Variants in FAM83E observed in about 807,000 individuals in gnomAD.
The protein encoded by FAM83E is protein FAM83E.
FAM83E carries 29 observed loss-of-function variants against 34.3 expected under a neutral mutation model. The observed-to-expected ratio is 0.85, with a 90% CI of 0.63 to 1.15. The LOEUF (loss-of-function observed/expected upper bound fraction) is 1.15. Ranked by LOEUF, FAM83E falls within the 50% of genes most tolerant of loss-of-function variation. The pLI is 0.00. For synonymous variants in FAM83E, 312 were observed against 311.6 expected (o/e 1.00, Z -0.01); for missense variants, 697 against 685.0 (o/e 1.02, Z -0.20).
chr19:48,604,041 C>G, intron 5 of FAM83E, 130 bp from the exon 6 acceptor site: 1 of 899,774 alleles, frequency 1.1e-6, no homozygotes, highest in South Asian at 1.8e-5. Flanking sequence ...CTCAGCTTCC[C>G]TGTCTGTAGA....
chr19:48,605,019 CAAAA>C (rs72014229), intron 5 of FAM83E, among the ~76,000 whole-genome samples: 2 of 75,700 alleles, frequency 2.6e-5, no homozygotes, highest in African/African-American at 1.0e-4. Context: ...GACTCTGACT[CAAAA>C]AAAAAAAAAA....
chr19:48,600,858 G>T lies in FAM83E; in HGVS notation c.*251C>A. ...TGTAGAGATGGGGTCTCACTATGTT[G>T]CCCAGGCTGGTCTCCAACTCCTGGC... On this transcript the variant is annotated 3_prime_UTR_variant, in exon 7 of 7. Transcript: ENST00000263266. The T allele has an allele frequency of 3.4e-6, 2 of 594,698 alleles. No homozygotes were observed. The highest frequency in any genetic ancestry group is 5.1e-6 in the Non-Finnish European group (2 of 390,926). The allele number at this position is 594,698 out of a possible 1,614,324, so 36.8% of individuals were successfully genotyped here.
intron 5 of FAM83E, among the ~76,000 whole-genome samples, chr19:48,604,728 CAAA>C (rs368012850): frequency 1.5e-5 from 2 of 135,406 alleles, no homozygotes; most frequent in Admixed American, 7.5e-5. Flanking sequence ...GCCCCCCTCC[CAAA>C]AAAAAAAAAG....
chr19:48,604,662 C>T (rs1232442706), intron 5 of FAM83E, among the ~76,000 whole-genome samples: 3 of 149,942 alleles, frequency 2.0e-5, no homozygotes, highest in South Asian at 4.3e-4. Flanking sequence ...TGCAGTGAGC[C>T]GTGATAATAC....
intron 6 of FAM83E, among the ~76,000 whole-genome samples, chr19:48,602,822 TTGTTTATTA>T (rs1973851298): frequency 3.0e-5 from 2 of 66,252 alleles, no homozygotes; most frequent in South Asian, 1.4e-3. Context: ...TATTTATTTA[TTGTTTATTA>T]TTATTATTAT....
chr19:48,607,470 C>T, intron 5 of FAM83E: 1 of 1,350,266 alleles, frequency 7.4e-7, no homozygotes, highest in Non-Finnish European at 1.0e-6. Flanking sequence ...GCGGCCCTGG[C>T]TTCATCCCTT....
intron 5 of FAM83E, among the ~76,000 whole-genome samples, chr19:48,605,040 A>C (rs1174628847): frequency 1.4e-5 from 2 of 147,620 alleles, no homozygotes; most frequent in South Asian, 2.2e-4. Flanking sequence ...AAAAAAAAAA[A>C]AAACTTATCT....
At chr19:48,603,985 C>A in intron 5 of FAM83E, 74 bp from the exon 6 acceptor site, 4 of 1,487,856 alleles carry the variant, frequency 2.7e-6, no homozygotes, top group Non-Finnish European at 3.6e-6. Context: ...TCAGCCAGGT[C>A]CCAGGGGAGA....
chr19:48,611,172 T>TG (rs1974035676), intron 3 of FAM83E, among the ~76,000 whole-genome samples: 1 of 151,078 alleles, frequency 6.6e-6, no homozygotes, highest in South Asian at 2.1e-4. Flanking sequence ...TGTTTTTTGT[T>TG]GTTTTTTTTT....
rs1256627889 is a variant in FAM83E at position 48,603,812 on chromosome 19, C to T, written c.858G>A (p.Ala286=). Residue 286 remains alanine (A), a synonymous_variant, in exon 6 of 7, where the codon GCG becomes GCA. Coordinates refer to ENST00000263266, the MANE Select transcript of FAM83E (RefSeq NM_017708.4). ...GCGCAGGTGGGAGCGGGCAGGAGGC[C>T]GCGTACAGCGTCCGGAACTCAAGGC... The part of the protein sequence containing the change: ...AFSLEFRTLY[A]ASCPLPPAPP... 1.9e-6 allele frequency: 3 copies of T among 1,604,478 alleles called. No individual in the cohort carries two copies. Among genetic ancestry groups the T allele is most frequent in the South Asian group, 1.1e-5 (1 of 89,766 alleles).
chr19:48,602,704 A>AAAAAAATATATAT (rs1973844092), intron 6 of FAM83E, among the ~76,000 whole-genome samples: 1 of 27,490 alleles, frequency 3.6e-5, no homozygotes, highest in African/African-American at 2.0e-4. Context: ...AAAAAAAAAA[A>AAAAAAATATATAT]ATATATATAT....
chr19:48,603,516 C>G lies in FAM83E; in HGVS notation c.1154G>C (p.Gly385Ala), dbSNP rs1287485944. Reference sequence around the variant, plus strand: ...CACCTCGTTGTCCCCATCACTGGAGCCAGACAGCTGGGACAGGCGGCTTAG... The same window carrying G: ...CACCTCGTTGTCCCCATCACTGGAGGCAGACAGCTGGGACAGGCGGCTTAG... The part of the protein sequence containing the change: ...WDLSRLSQLS[G>A]SSDGDNELKK... Residue 385 changes from glycine to alanine, a missense_variant, in exon 6 of 7, where the codon GGC becomes GCC. Transcript: ENST00000263266. 2 of 1,567,118 alleles carry G rather than the reference C, an allele frequency of 1.3e-6. No individual in the cohort carries two copies.
rs539254190 is a variant in FAM83E at position 48,614,557 on chromosome 19, T to C, written c.-1185A>G. On this transcript the variant is annotated 5_prime_UTR_variant, in exon 3 of 7. Coordinates refer to ENST00000263266, the MANE Select transcript of FAM83E (RefSeq NM_017708.4). ...TCGGGGACCCTGGACCCTTGATCCC[T>C]GCAAACCAGAAGCCCTTCATTCCAA... 18 of 986,058 alleles carry C rather than the reference T, an allele frequency of 1.8e-5. No individual in the cohort carries two copies. Among genetic ancestry groups the C allele is most frequent in the Middle Eastern group, 1.0e-3 (2 of 1,942 alleles). 61.1% of individuals were successfully genotyped at this position (986,058 alleles called of 1,614,324 possible). A position where few individuals can be genotyped will look rare whatever the true frequency, so the allele number is the denominator to read the frequency against.
In FAM83E at chr19:48,614,225, G is replaced by A. The variant is rs111604447; in HGVS notation, c.-853C>T. On this transcript the variant is annotated 5_prime_UTR_variant, in exon 3 of 7. Coordinates refer to ENST00000263266, the MANE Select transcript of FAM83E (RefSeq NM_017708.4). ...GCTGCTGCAGTGGAGGGTGAAATGC[G>A]CTACAGGGGTCTCCATTACTATGGG... 1.0e-5 allele frequency: 10 copies of A among 985,428 alleles called. No homozygotes were observed. The East Asian group carries it at 3.4e-4, about 34-fold the overall frequency. 61.0% of individuals were successfully genotyped at this position (985,428 alleles called of 1,614,324 possible).
At position 48,613,124 on chromosome 19, in the gene FAM83E, C is replaced by G; in HGVS notation, c.249G>C (p.Gly83=). 1.2e-6 allele frequency: 2 copies of G among 1,611,636 alleles called. No individual in the cohort carries two copies. The highest frequency in any genetic ancestry group is 2.7e-5 in the African/African-American group (2 of 75,056). The change falls in exon 3 of 7, where the codon GGG becomes GGC. Residue 83 remains glycine, a synonymous_variant. Coordinates refer to ENST00000263266, the MANE Select transcript of FAM83E (RefSeq NM_017708.4). ...CGGTGGTGGTGGCTCCCTCTGCCAT[C>G]CCGCTGGGCTCCTGCTTGGCCACTG... ...DWTVAKQEPS[G]MAEGATTTDV... is the part of the protein sequence containing the mutation.
intron 5 of FAM83E, chr19:48,606,638 C>G (rs376593489): frequency 3.4e-6 from 1 of 292,762 alleles, no homozygotes; most frequent in Non-Finnish European, 6.5e-6. Flanking sequence ...CCCGGCAGGT[C>G]GGCGGGGCAG....
intron 5 of FAM83E, among the ~76,000 whole-genome samples, chr19:48,605,744 T>C (rs920290479): frequency 6.6e-6 from 1 of 151,476 alleles, no homozygotes; most frequent in Admixed American, 6.6e-5. Context: ...AGAGATGGGG[T>C]TTTACCACGT....
In FAM83E at chr19:48,613,383, C is replaced by T. The variant is rs530534761; in HGVS notation, c.-11G>A. ...CTGGGAGGCCGCCATCGGGGTCACT[C>T]GGGTGGGAGGACTGACTGTGAGAGG... On this transcript the variant is annotated 5_prime_UTR_variant, in exon 3 of 7. Coordinates refer to ENST00000263266, the MANE Select transcript of FAM83E (RefSeq NM_017708.4). 6 of 1,532,644 alleles carry T rather than the reference C, an allele frequency of 3.9e-6. No individual in the cohort carries two copies. The highest frequency in any genetic ancestry group is 1.4e-5 in the African/African-American group (1 of 73,288). The allele number at this position is 1,532,644 out of a possible 1,614,324, so 94.9% of individuals were successfully genotyped here. A position where few individuals can be genotyped will look rare whatever the true frequency, so the allele number is the denominator to read the frequency against.
At chr19:48,608,419 C>T (rs1973974487) in intron 5 of FAM83E, among the ~76,000 whole-genome samples, 1 of 148,778 alleles carries the variant, frequency 6.7e-6, no homozygotes, top group South Asian at 2.1e-4. Context: ...GGCCTTTTTC[C>T]GTTTTCTTTT....
Sources: allele counts gnomAD v4.1 joint callset (sites outside exome capture counted in the v4.1 genomes callset), GRCh38; gene constraint gnomAD v4.1.1; transcripts MANE v1.5; gene names NCBI Gene and HGNC (gene_info 2026-07-23, HGNC 2026-07-21).